The following ADA variants were observed in gnomAD, a reference collection of about 807,000 sequenced individuals.
ADA encodes adenosine aminohydrolase.
In ADA, 45 loss-of-function variants were observed where a neutral mutation model predicts 49.0. The ratio of observed to expected loss-of-function variants is 0.92; its 90% CI spans 0.72 to 1.18. The LOEUF (loss-of-function observed/expected upper bound fraction) is 1.18. Among genes scored for constraint, ADA ranks in the 50% most tolerant of loss-of-function variants. ADA has a pLI of 0.00. For missense variants in ADA, 445 were observed against 472.5 expected (o/e 0.94, Z 0.54); for synonymous variants, 173 against 184.2 (o/e 0.94, Z 0.49).
rs1396868095 is a variant in ADA, at chr20:44,619,634, G to T, written c.*200C>A. On this transcript the variant is annotated 3_prime_UTR_variant, in exon 12 of 12. Coordinates refer to ENST00000372874, the MANE Select transcript of ADA (RefSeq NM_000022.4). ...CCCATGTGCAAGGGCGCTGGTCCCT[G>T]GCCAGGGCACATAATCAGAGAAGTG... 8 of 662,764 alleles carry T rather than the reference G, an allele frequency of 1.2e-5. No homozygotes were observed. The highest frequency in any genetic ancestry group is 1.6e-5 in the Non-Finnish European group (6 of 378,646). The allele number at this position is 662,764 out of a possible 1,614,324, so 41.1% of individuals were successfully genotyped here.
At chr20:44,648,321 A>T (rs1053716677) in intron 1 of ADA, among the ~76,000 whole-genome samples, 3 of 152,016 alleles carry the variant, frequency 2.0e-5, no homozygotes, top group African/African-American at 7.3e-5. Context: ...CCTGACGATG[A>T]CCCTGCATGG....
chr20:44,626,341 G>A, intron 4 of ADA, 115 bp downstream of exon 4: 1 of 1,452,342 alleles, frequency 6.9e-7, no homozygotes, highest in South Asian at 1.2e-5. Flanking sequence ...CCAGACTGGG[G>A]GCAAGAACAA....
chr20:44,634,697 A>C (rs1231676284), intron 2 of ADA, among the ~76,000 whole-genome samples: 1 of 152,258 alleles, frequency 6.6e-6, no homozygotes, highest in Non-Finnish European at 1.5e-5. Context: ...CTGGGGCAGA[A>C]GAAGGTCCCT....
intron 1 of ADA, among the ~76,000 whole-genome samples, chr20:44,643,708 GAA>G (rs2065559389): frequency 6.6e-6 from 1 of 152,172 alleles, no homozygotes; most frequent in Non-Finnish European, 1.5e-5. Flanking sequence ...CTCCAGAGGG[GAA>G]TCTCACGCCC....
At chr20:44,639,003 A>G (rs757755551) in intron 1 of ADA, among the ~76,000 whole-genome samples, 1 of 152,050 alleles carries the variant, frequency 6.6e-6, no homozygotes, top group Non-Finnish European at 1.5e-5. Context: ...CAGAGAAGGG[A>G]GGGTTCATGG....
chr20:44,629,288 TG>T, intron 2 of ADA, 119 bp from the exon 3 acceptor site: 9 of 1,446,066 alleles, frequency 6.2e-6, no homozygotes, highest in Middle Eastern at 2.2e-4. Flanking sequence ...GCAGGAGACA[TG>T]GGCGTCTCTC....
chr20:44,631,760 T>C (rs1270866510), intron 2 of ADA, among the ~76,000 whole-genome samples: 1 of 152,088 alleles, frequency 6.6e-6, no homozygotes, highest in Non-Finnish European at 1.5e-5. Context: ...GATCCAGAGG[T>C]CCACAGCTTC....
chr20:44,622,514 C>A, intron 9 of ADA, 74 bp downstream of exon 9: 1 of 1,565,092 alleles, frequency 6.4e-7, no homozygotes, highest in East Asian at 2.3e-5. Flanking sequence ...GGGCTGATGC[C>A]CAATCCCTAA....
chr20:44,635,470 G>A (rs1468174787), intron 2 of ADA, among the ~76,000 whole-genome samples: 1 of 152,194 alleles, frequency 6.6e-6, no homozygotes, highest in East Asian at 1.9e-4. Context: ...AATGCAGAGA[G>A]CGTATCCTCC....
chr20:44,621,670 A>G (rs1600917589), intron 9 of ADA, among the ~76,000 whole-genome samples: 1 of 152,038 alleles, frequency 6.6e-6, no homozygotes, highest in African/African-American at 2.4e-5. Flanking sequence ...TGTTTCTTGA[A>G]ACCTTTTCCC....
chr20:44,623,948 T>C (rs1347330918), intron 6 of ADA: 2 of 504,042 alleles, frequency 4.0e-6, no homozygotes, highest in Admixed American at 4.6e-5. Flanking sequence ...GATCTCACTA[T>C]GTTGCCCTGG....
At chr20:44,626,223 C>T in intron 4 of ADA, 1 of 632,588 alleles carries the variant, frequency 1.6e-6, no homozygotes, top group South Asian at 1.9e-5. Context: ...GTGGCCAGAG[C>T]AAGACACAGC....
At chr20:44,619,919 A>C in intron 11 of ADA, 72 bp from the exon 12 acceptor site, 7 of 1,594,146 alleles carry the variant, frequency 4.4e-6, no homozygotes, top group Non-Finnish European at 6.0e-6. Context: ...AAATCATAGA[A>C]CACCAGAACC....
chr20:44,637,363 T>G (rs1331877077), intron 1 of ADA, among the ~76,000 whole-genome samples: 1 of 152,068 alleles, frequency 6.6e-6, no homozygotes, highest in Non-Finnish European at 1.5e-5. Flanking sequence ...AAAAGGGCAG[T>G]GTAGGTGGAC....
intron 2 of ADA, among the ~76,000 whole-genome samples, chr20:44,633,063 C>T (rs763021762): frequency 4.9e-4 from 75 of 152,218 alleles, no homozygotes; most frequent in Non-Finnish European, 9.7e-4. Context: ...GGTCCTCTTC[C>T]GGCCTTGGTG....
rs1276292598 is a variant in ADA at position 44,624,138 on chromosome 20, C to T, written c.606+64G>A. 1.2e-5 allele frequency: 18 copies of T among 1,553,660 alleles called. No homozygotes were observed. The East Asian group carries it at 2.2e-4, about 19-fold the overall frequency. ...GGTCCCTGGTTCTTGTGATTTCTCC[C>T]AACTATGGGTGGGAGACAAGCTCAC... On this transcript the variant is annotated intron_variant, in intron 6 of 11. Transcript: ENST00000372874.
intron 1 of ADA, among the ~76,000 whole-genome samples, chr20:44,638,646 G>C (rs1056472212): frequency 6.6e-6 from 1 of 152,200 alleles, no homozygotes; most frequent in Non-Finnish European, 1.5e-5. Context: ...CTAGATTGTA[G>C]AGTTAAACAG....
chr20:44,637,670 T>G (rs191826375), intron 1 of ADA, among the ~76,000 whole-genome samples: 2 of 152,254 alleles, frequency 1.3e-5, no homozygotes, highest in Middle Eastern at 3.4e-3. Context: ...AGCACATACA[T>G]GAGCTGCCTC....
chr20:44,621,259 G>C lies in ADA; in HGVS notation c.846-112C>G, dbSNP rs2065329322. The C allele has an allele frequency of 2.2e-6, 3 of 1,333,648 alleles. No individual in the cohort carries two copies. The Admixed American group carries it at 5.5e-5, about 25-fold the overall frequency. 82.6% of individuals were successfully genotyped at this position (1,333,648 alleles called of 1,614,324 possible). A position where few individuals can be genotyped will look rare whatever the true frequency, so the allele number is the denominator to read the frequency against. On this transcript the variant is annotated intron_variant, in intron 9 of 11. Transcript: ENST00000372874. The stretch of plus-strand genomic sequence containing the variant: ...CCTCACAGCAGCCTCAAACAGATCT[G>C]AAAGATCTGATCCTTGTGCAGAGGG...
Sources: gnomAD v4.1 joint callset for allele counts (sites outside exome capture counted in the v4.1 genomes callset) on GRCh38, gnomAD v4.1.1 for gene constraint, MANE v1.5 for transcripts, NCBI Gene and HGNC (gene_info 2026-07-23, HGNC 2026-07-21) for gene names.